The following UNC13C variants were observed in gnomAD, a reference collection of about 807,000 sequenced individuals.
The protein encoded by UNC13C is protein unc-13 homolog C.
In UNC13C, 174 loss-of-function variants were observed where a neutral mutation model predicts 245.4. The observed-to-expected ratio is 0.71, with a 90% confidence interval of 0.63 to 0.80. The LOEUF (loss-of-function observed/expected upper bound fraction) is 0.80, where lower values mean the gene tolerates loss of function less well. Among genes scored for constraint, UNC13C ranks in the 30% least tolerant of loss-of-function variants. UNC13C has a pLI of 0.00. For missense variants in UNC13C, 2,829 were observed against 2,602.9 expected (o/e 1.09, Z -1.89); for synonymous variants, 992 against 895.1 (o/e 1.11, Z -1.93).
chr15:53,978,379 G>C (rs1339745926), upstream of UNC13C, among the ~76,000 whole-genome samples: 3 of 152,042 alleles, frequency 2.0e-5, no homozygotes, highest in Non-Finnish European at 4.4e-5. Context: ...ACGGCGGCAG[G>C]AGAGGGAGCC....
chr15:53,857,630 T>C, the UNC13C span, among the ~76,000 whole-genome samples: 1 of 152,190 alleles, frequency 6.6e-6, no homozygotes, highest in Non-Finnish European at 1.5e-5. Flanking sequence ...AACCTTAGGC[T>C]CTGTGCTGTC....
intron 25 of UNC13C, among the ~76,000 whole-genome samples, chr15:54,528,590 A>G (rs1313504818): frequency 1.3e-5 from 2 of 151,850 alleles, no homozygotes; most frequent in African/African-American, 4.8e-5. Context: ...TAAATTTCAC[A>G]TAATAGGAAC....
At chr15:54,441,393 C>G in intron 19 of UNC13C, among the ~76,000 whole-genome samples, 1 of 152,060 alleles carries the variant, frequency 6.6e-6, no homozygotes, top group Non-Finnish European at 1.5e-5. Context: ...ATATAGATGT[C>G]TAACTTTTCT....
At chr15:53,955,554 G>T in the UNC13C span, among the ~76,000 whole-genome samples, 2 of 152,090 alleles carry the variant, frequency 1.3e-5, no homozygotes, top group Non-Finnish European at 2.9e-5. Flanking sequence ...AAAGTGACAG[G>T]GCTGTTGAAA....
chr15:54,139,398 A>T (rs1023658483), intron 2 of UNC13C, among the ~76,000 whole-genome samples: 2 of 152,146 alleles, frequency 1.3e-5, no homozygotes, highest in African/African-American at 4.8e-5. Flanking sequence ...AGACGTTAGG[A>T]CTTCAACATT....
chr15:54,339,347 A>C (rs540599231), intron 17 of UNC13C, among the ~76,000 whole-genome samples: 1 of 152,168 alleles, frequency 6.6e-6, no homozygotes, highest in African/African-American at 2.4e-5. Context: ...GTGATTTCTG[A>C]GATTTCGGTG....
intron 18 of UNC13C, among the ~76,000 whole-genome samples, chr15:54,400,057 G>C (rs896828786): frequency 6.6e-6 from 1 of 151,822 alleles, no homozygotes; most frequent in Non-Finnish European, 1.5e-5. Context: ...CTATATTCTT[G>C]AGTTTTCACC....
chr15:53,886,588 C>A, the UNC13C span, among the ~76,000 whole-genome samples: 1 of 152,164 alleles, frequency 6.6e-6, no homozygotes, highest in Non-Finnish European at 1.5e-5. Context: ...TATGAAGACA[C>A]TATACCCTAA....
At chr15:53,959,390 T>C in the UNC13C span, among the ~76,000 whole-genome samples, 7 of 152,190 alleles carry the variant, frequency 4.6e-5, no homozygotes, top group Non-Finnish European at 8.8e-5. Context: ...ATGGCTGTAC[T>C]ACTTTACATT....
At chr15:54,002,061 T>C (rs965186219) in intron 1 of UNC13C, among the ~76,000 whole-genome samples, 1 of 151,960 alleles carries the variant, frequency 6.6e-6, no homozygotes, top group African/African-American at 2.4e-5. Flanking sequence ...CCGAGGCGGG[T>C]GGATCACGAA....
Position 54,014,674 on chromosome 15 carries a change from C to A in UNC13C, c.1771C>A (p.Gln591Lys), listed in dbSNP as rs1408180832. The A allele has an allele frequency of 1.2e-6, 2 of 1,613,714 alleles. No individual in the cohort carries two copies. The highest frequency in any genetic ancestry group is 3.3e-5 in the Admixed American group (2 of 59,958). ...SSDRELWQRK[Q>K]EGTATLYDSP... Reference sequence around the variant, plus strand: ...GGACCGGGAGCTATGGCAGAGGAAACAGGAAGGAACAGCGACCCTGTATGA... The same window carrying A: ...GGACCGGGAGCTATGGCAGAGGAAAAAGGAAGGAACAGCGACCCTGTATGA... The change falls in exon 2 of 33, where the codon CAG (glutamine) becomes AAG (lysine). Residue 591 changes from glutamine to lysine, a missense_variant. By Grantham distance (53) the Gln-to-Lys change is moderately conservative. Transcript: ENST00000260323.
intron 19 of UNC13C, among the ~76,000 whole-genome samples, chr15:54,455,111 C>A (rs1019784193): frequency 6.8e-6 from 1 of 146,864 alleles, no homozygotes; most frequent in Non-Finnish European, 1.5e-5. Flanking sequence ...CCAACTCCAT[C>A]TAGGTTGCTG....
At chr15:54,483,830 A>G (rs1295446726) in intron 19 of UNC13C, among the ~76,000 whole-genome samples, 5 of 151,866 alleles carry the variant, frequency 3.3e-5, no homozygotes, top group Non-Finnish European at 7.4e-5. Context: ...TGTGAGAAAC[A>G]CTCTCCCTAC....
chr15:54,186,651 T>C (rs1001173718), intron 4 of UNC13C, among the ~76,000 whole-genome samples: 5 of 151,854 alleles, frequency 3.3e-5, no homozygotes, highest in Non-Finnish European at 5.9e-5. Context: ...TATTTAATTA[T>C]GAATTGTAGT....
At chr15:54,261,728 T>C (rs2036431602) in intron 8 of UNC13C, among the ~76,000 whole-genome samples, 1 of 152,118 alleles carries the variant, frequency 6.6e-6, no homozygotes, top group Admixed American at 6.5e-5. Flanking sequence ...GTATTTTTAG[T>C]AGAGACAGAG....
intron 2 of UNC13C, chr15:54,049,253 G>A (rs1897171784): frequency 1.9e-6 from 1 of 520,084 alleles, no homozygotes; most frequent in Non-Finnish European, 3.8e-6. Flanking sequence ...GACACAGTCT[G>A]TGCATTCAGA....
At chr15:53,958,293 C>T in the UNC13C span, among the ~76,000 whole-genome samples, 1 of 152,202 alleles carries the variant, frequency 6.6e-6, no homozygotes, top group Non-Finnish European at 1.5e-5. Context: ...AAACCATTCT[C>T]AAATTTCAAA....
At chr15:54,192,083 C>A (rs1011432519) in intron 4 of UNC13C, among the ~76,000 whole-genome samples, 1 of 152,042 alleles carries the variant, frequency 6.6e-6, no homozygotes, top group African/African-American at 2.4e-5. Flanking sequence ...GTTGCCATTG[C>A]TTTTTGTGTT....
intron 30 of UNC13C, among the ~76,000 whole-genome samples, chr15:54,578,963 G>A (rs1898082877): frequency 6.6e-6 from 1 of 152,188 alleles, no homozygotes; most frequent in Admixed American, 6.5e-5. Flanking sequence ...ATTTAAGCAA[G>A]AGTGCAACAT....
Sources: gnomAD v4.1 joint callset for allele counts (sites outside exome capture counted in the v4.1 genomes callset) on GRCh38, gnomAD v4.1.1 for gene constraint, MANE v1.5 for transcripts, NCBI Gene and HGNC (gene_info 2026-07-23, HGNC 2026-07-21) for gene names.